LYSMD3: variants seen among roughly 807,000 people sequenced by gnomAD.
The protein encoded by LYSMD3 is LysM domain containing 3.
A neutral mutation model predicts 26.1 loss-of-function variants in LYSMD3; 13 were observed. That is an observed-to-expected ratio of 0.50 (90% CI 0.32 to 0.79). LYSMD3 has a LOEUF of 0.79. Ranked by LOEUF, LYSMD3 falls within the 30% of genes least tolerant of loss-of-function variation. The pLI is 0.03. For synonymous variants in LYSMD3, 109 were observed against 119.4 expected (o/e 0.91, Z 0.57); for missense variants, 331 against 362.5 (o/e 0.91, Z 0.71).
rs751328117 is a variant in LYSMD3 at position 90,516,120 on chromosome 5, A to G, written c.*2699T>C. On this transcript the variant is annotated 3_prime_UTR_variant, in exon 3 of 3. Coordinates refer to ENST00000315948, the MANE Select transcript of LYSMD3 (RefSeq NM_198273.2). ...CTTCAGGACACTGAACCAAGCAGGT[A>G]GAGTCCAGGAAAAGAAAAGCTGTAA... 1.3e-5 allele frequency: 2 copies of G among 152,126 alleles called. No homozygotes were observed. The highest frequency in any genetic ancestry group is 2.9e-5 in the Non-Finnish European group (2 of 67,974). 9.4% of individuals were successfully genotyped at this position (152,126 alleles called of 1,614,324 possible).
intron 2 of LYSMD3, among the ~76,000 whole-genome samples, chr5:90,523,723 A>G (rs1468490319): frequency 6.6e-6 from 1 of 152,202 alleles, no homozygotes; most frequent in African/African-American, 2.4e-5. Context: ...ATGTTAATAC[A>G]ACATTCTGAA....
At chr5:90,523,413 A>C (rs1292679779) in intron 2 of LYSMD3, among the ~76,000 whole-genome samples, 1 of 151,910 alleles carries the variant, frequency 6.6e-6, no homozygotes, top group Non-Finnish European at 1.5e-5. Context: ...TTAGAATATA[A>C]ATACATTTAT....
rs1010010384 is a variant in LYSMD3, at chr5:90,518,599, T to G, written c.*220A>C. Reference sequence around the variant, plus strand: ...CTTCCTAAACACACATTTAAATTAATTTCTGCTTGAAACATTCACACACCA... The same window carrying G: ...CTTCCTAAACACACATTTAAATTAAGTTCTGCTTGAAACATTCACACACCA... On this transcript the variant is annotated 3_prime_UTR_variant, in exon 3 of 3. Transcript: ENST00000315948. The G allele has an allele frequency of 7.0e-6, 3 of 429,622 alleles. No homozygotes were observed. The highest frequency in any genetic ancestry group is 6.1e-5 in the African/African-American group (3 of 49,320). The allele number at this position is 429,622 out of a possible 1,614,324, so 26.6% of individuals were successfully genotyped here.
rs1172214582 is a variant in LYSMD3 at position 90,516,502 on chromosome 5, CTG to C, written c.*2315_*2316del. The C allele has an allele frequency of 6.6e-6, 1 of 152,038 alleles. No individual in the cohort carries two copies. The highest frequency in any genetic ancestry group is 1.5e-5 in the Non-Finnish European group (1 of 67,930). The allele number at this position is 152,038 out of a possible 1,614,324, so 9.4% of individuals were successfully genotyped here. ...TAAAATCCATAATGTTAAACAATAA[CTG>C]TGCTTGTTAGTTATACAAGGTAATT... On this transcript the variant is annotated 3_prime_UTR_variant, in exon 3 of 3. Transcript: ENST00000315948.
rs981489108 is a variant in LYSMD3 at position 90,529,580 on chromosome 5, T to A, written c.-144A>T. ...TCCGCCTCCGCCTCTGCCGCCAACG[T>A]CTCCGCCTTCCGGGCCGTACGCCGC... On this transcript the variant is annotated 5_prime_UTR_variant, in exon 1 of 3. Coordinates refer to ENST00000315948, the MANE Select transcript of LYSMD3 (RefSeq NM_198273.2). 1 of 455,516 alleles carries A rather than the reference T, an allele frequency of 2.2e-6. No homozygotes were observed. The highest frequency in any genetic ancestry group is 2.0e-5 in the African/African-American group (1 of 49,974). 28.2% of individuals were successfully genotyped at this position (455,516 alleles called of 1,614,324 possible). A position where few individuals can be genotyped will look rare whatever the true frequency, so the allele number is the denominator to read the frequency against.
Position 90,518,934 on chromosome 5 carries a change from T to C in LYSMD3, c.806A>G (p.Gln269Arg), listed in dbSNP as rs1271299580. 2 of 1,614,084 alleles carry C rather than the reference T, an allele frequency of 1.2e-6. No homozygotes were observed. Among genetic ancestry groups the C allele is most frequent in the Non-Finnish European group, 8.5e-7 (1 of 1,179,978 alleles). ...LHSKITPPSQ[Q>R]REMENGIVPT... ...CACAATTCCATTTTCCATTTCTCTC[T>C]GCTGTGATGGGGGTGTGATTTTTGA... Residue 269 changes from glutamine to arginine, a missense_variant, in exon 3 of 3, where the codon CAG becomes CGG. Gln to Arg is a conservative substitution (Grantham distance 43, BLOSUM62 1). Coordinates refer to ENST00000315948, the MANE Select transcript of LYSMD3 (RefSeq NM_198273.2).
chr5:90,524,997 A>T, intron 2 of LYSMD3, 38 bp downstream of exon 2: 4 of 1,470,732 alleles, frequency 2.7e-6, no homozygotes, highest in Non-Finnish European at 3.7e-6. Context: ...TAAACAAATA[A>T]TTTCTTCTGA....
chr5:90,520,446 A>AT, intron 2 of LYSMD3: 1 of 456,178 alleles, frequency 2.2e-6, no homozygotes, highest in South Asian at 1.5e-5. Flanking sequence ...GATGGCATTC[A>AT]TTGAGAAATG....
chr5:90,523,060 T>C (rs1281616314), intron 2 of LYSMD3, among the ~76,000 whole-genome samples: 1 of 152,194 alleles, frequency 6.6e-6, no homozygotes, highest in Admixed American at 6.5e-5. Flanking sequence ...CATTTTGAAG[T>C]GTATTCCACC....
chr5:90,527,352 G>C (rs993638058), intron 1 of LYSMD3, among the ~76,000 whole-genome samples: 9 of 151,432 alleles, frequency 5.9e-5, no homozygotes, highest in African/African-American at 2.2e-4. Context: ...ACCTGTACAG[G>C]TATTCTGGTG....
In LYSMD3 at chr5:90,517,816, T is replaced by C. The variant is rs1330596742; in HGVS notation, c.*1003A>G. 6.6e-6 allele frequency: 1 copy of C among 152,548 alleles called. No individual in the cohort carries two copies. The highest frequency in any genetic ancestry group is 2.4e-5 in the African/African-American group (1 of 41,468). The allele number at this position is 152,548 out of a possible 1,614,324, so 9.4% of individuals were successfully genotyped here. On this transcript the variant is annotated 3_prime_UTR_variant, in exon 3 of 3. Transcript: ENST00000315948. ...GCAGTTTTGACCCAATTATTTGTGC[T>C]TGATGGTGAAAATGGAGACAAATTT... is the stretch of plus-strand genomic sequence containing the variant.
rs1168160598 is a variant in LYSMD3 at position 90,529,559 on chromosome 5, C to A, written c.-123G>T. On this transcript the variant is annotated 5_prime_UTR_variant, in exon 1 of 3. Coordinates refer to ENST00000315948, the MANE Select transcript of LYSMD3 (RefSeq NM_198273.2). ...CTCTGCTTTGGGCTGACCCCGTCCG[C>A]CTCCGCCTCTGCCGCCAACGTCTCC... 5 of 456,508 alleles carry A rather than the reference C, an allele frequency of 1.1e-5. No homozygotes were observed. The Admixed American group carries it at 1.2e-4, about 11-fold the overall frequency. 28.3% of individuals were successfully genotyped at this position (456,508 alleles called of 1,614,324 possible).
At position 90,517,791 on chromosome 5, in the gene LYSMD3, G is replaced by A. The variant is rs1752985037; in HGVS notation, c.*1028C>T. On this transcript the variant is annotated 3_prime_UTR_variant, in exon 3 of 3. Coordinates refer to ENST00000315948, the MANE Select transcript of LYSMD3 (RefSeq NM_198273.2). The stretch of plus-strand genomic sequence containing the variant: ...CCATTTTCTTCAACAGACCTCAAAG[G>A]CAGTTTTGACCCAATTATTTGTGCT... 2 of 152,384 alleles carry A rather than the reference G, an allele frequency of 1.3e-5. No individual in the cohort carries two copies. The highest frequency in any genetic ancestry group is 4.8e-5 in the African/African-American group (2 of 41,394). The allele number at this position is 152,384 out of a possible 1,614,324, so 9.4% of individuals were successfully genotyped here. A position where few individuals can be genotyped will look rare whatever the true frequency, so the allele number is the denominator to read the frequency against.
rs943505121 is a variant in LYSMD3, at chr5:90,517,300, T to G, written c.*1519A>C. ...ATTTGCCATAAATATTTACTTATTC[T>G]GAGTTAAATTTGAAATATATAAAAT... On this transcript the variant is annotated 3_prime_UTR_variant, in exon 3 of 3. Transcript: ENST00000315948. 13 of 152,032 alleles carry G rather than the reference T, an allele frequency of 8.6e-5. 1 individual carries two copies. The highest frequency in any genetic ancestry group is 2.9e-4 in the African/African-American group (12 of 41,430). 9.4% of individuals were successfully genotyped at this position (152,032 alleles called of 1,614,324 possible). A position where few individuals can be genotyped will look rare whatever the true frequency, so the allele number is the denominator to read the frequency against.
Position 90,519,208 on chromosome 5 carries a change from T to C in LYSMD3, c.532A>G (p.Lys178Glu), listed in dbSNP as rs374603357. Residue 178 changes from lysine (K) to glutamate (E), a missense_variant, in exon 3 of 3, where the codon AAG becomes GAG. This residue lies in a region of LYSMD3 where 262 missense variants were observed against 267.3 expected (regional missense o/e 0.98). Coordinates refer to ENST00000315948, the MANE Select transcript of LYSMD3 (RefSeq NM_198273.2). The part of the protein sequence containing the change: ...IEQIVKCTDN[K>E]RENLNEVVSA... Reference sequence around the variant, plus strand: ...ACTACCTCATTGAGGTTCTCTCTCTTATTGTCTGTACACTTTACTATTTGT... The same window carrying C: ...ACTACCTCATTGAGGTTCTCTCTCTCATTGTCTGTACACTTTACTATTTGT... 33 of 1,613,914 alleles carry C rather than the reference T, an allele frequency of 2.0e-5. No individual in the cohort carries two copies. Among genetic ancestry groups the C allele is most frequent in the Non-Finnish European group, 2.8e-5 (33 of 1,180,008 alleles).
intron 2 of LYSMD3, chr5:90,520,388 T>C: frequency 2.2e-6 from 1 of 456,200 alleles, no homozygotes; most frequent in Non-Finnish European, 4.4e-6. Flanking sequence ...AGAGATAAAG[T>C]GGGTCTAGTA....
chr5:90,518,836 C>G lies in LYSMD3; in HGVS notation c.904G>C (p.Ala302Pro), dbSNP rs1753012689. 6.2e-7 allele frequency: 1 copy of G among 1,612,430 alleles called. No homozygotes were observed. Among genetic ancestry groups the G allele is most frequent in the Non-Finnish European group, 8.5e-7 (1 of 1,179,102 alleles). ...LYSQDSQSPA[A>P]QQET ...GCTAATTGCTATGTTTCCTGTTGAG[C>G]AGCAGGTGACTGAGAATCTTGACTA... The change falls in exon 3 of 3, where the codon GCT becomes CCT. Residue 302 changes from alanine to proline, a missense_variant. By Grantham distance (27) the Ala-to-Pro change is conservative. Coordinates refer to ENST00000315948, the MANE Select transcript of LYSMD3 (RefSeq NM_198273.2).
At chr5:90,527,428 T>TTTTA (rs4019487) in intron 1 of LYSMD3, among the ~76,000 whole-genome samples, 1 of 150,782 alleles carries the variant, frequency 6.6e-6, no homozygotes, top group Non-Finnish European at 1.5e-5. Context: ...TTTTTTTTTT[T>TTTTA]ACTGTTAAGC....
intron 1 of LYSMD3, among the ~76,000 whole-genome samples, chr5:90,525,607 G>A (rs139773645): frequency 8.8e-4 from 134 of 151,980 alleles, no homozygotes; most frequent in African/African-American, 3.1e-3. Flanking sequence ...CCACCACTAC[G>A]CCCAGCTAAT....
Sources: gnomAD v4.1 joint callset for allele counts (sites outside exome capture counted in the v4.1 genomes callset) on GRCh38, gnomAD v4.1.1 for gene constraint, gnomAD v4.1.1 regional missense constraint, MANE v1.5 for transcripts, NCBI Gene and HGNC (gene_info 2026-07-23, HGNC 2026-07-21) for gene names.